DNAAF11: variants seen among roughly 807,000 people sequenced by gnomAD.
DNAAF11 encodes the protein dynein axonemal assembly factor 11.
In DNAAF11, 45 loss-of-function variants were observed where a neutral mutation model predicts 60.8. The observed-to-expected ratio is 0.74, with a 90% confidence interval of 0.58 to 0.95. DNAAF11 has a LOEUF of 0.95. Ranked by LOEUF, DNAAF11 falls within the 40% of genes least tolerant of loss-of-function variation. DNAAF11 has a pLI of 0.00. For missense variants in DNAAF11, 546 were observed against 546.2 expected (o/e 1.00, Z 0.00); for synonymous variants, 191 against 183.5 (o/e 1.04, Z -0.33).
At chr8:132,580,976 T>G (rs1815264591) in intron 11 of DNAAF11, among the ~76,000 whole-genome samples, 1 of 152,182 alleles carries the variant, frequency 6.6e-6, no homozygotes. Context: ...TAGAGCAGAA[T>G]AGAGACCAGA....
chr8:132,695,510 G>C, the DNAAF11 span, among the ~76,000 whole-genome samples: 1 of 152,192 alleles, frequency 6.6e-6, no homozygotes, highest in African/African-American at 2.4e-5. Context: ...GGTGGCAATA[G>C]CTAGCTGTAT....
intron 1 of DNAAF11, 92 bp downstream of exon 1, chr8:132,675,392 G>C (rs951716544): frequency 9.3e-6 from 13 of 1,400,300 alleles, no homozygotes; most frequent in Non-Finnish European, 1.3e-5. Flanking sequence ...AACCGACAGC[G>C]CAGGGCGGGA....
the DNAAF11 span, among the ~76,000 whole-genome samples, chr8:132,694,427 C>T: frequency 2.0e-5 from 3 of 152,210 alleles, no homozygotes; most frequent in South Asian, 6.2e-4. Context: ...AGATGGCCAT[C>T]CACAAGCCAA....
Position 132,651,991 on chromosome 8 carries a change from A to G in DNAAF11, c.256+4839T>C, listed in dbSNP as rs140764010. Among the ~76,000 whole-genome samples the G allele has an allele frequency of 2.9e-3, 440 of 152,390 alleles. 2 individuals are homozygous for G. Among genetic ancestry groups the G allele is most frequent in the African/African-American group, 0.01 (418 of 41,594 alleles). On this transcript the variant is annotated intron_variant, in intron 3 of 11. Transcript: ENST00000620350. ...ATTTTTGAGAATGAAAAATAAAAAT[A>G]TATGATGTAGATTTATGTAATTGTT...
intron 8 of DNAAF11, among the ~76,000 whole-genome samples, chr8:132,614,692 C>G (rs74978343): frequency 4.7e-4 from 72 of 152,232 alleles, no homozygotes; most frequent in African/African-American, 1.7e-3. Context: ...CACCTGATAC[C>G]TACTACTATA....
chr8:132,684,791 CT>C, the DNAAF11 span, among the ~76,000 whole-genome samples: 1 of 152,212 alleles, frequency 6.6e-6, no homozygotes, highest in African/African-American at 2.4e-5. Flanking sequence ...CCTTTTGATT[CT>C]GTTGCCAGGG....
intron 3 of DNAAF11, among the ~76,000 whole-genome samples, chr8:132,644,881 G>A (rs2130642640): frequency 6.6e-6 from 1 of 152,332 alleles, no homozygotes; most frequent in East Asian, 1.9e-4. Flanking sequence ...AGGCCTGCCT[G>A]CCTCTGTAGA....
chr8:132,675,098 C>G (rs958865386), intron 1 of DNAAF11, among the ~76,000 whole-genome samples: 1 of 152,164 alleles, frequency 6.6e-6, no homozygotes, highest in Non-Finnish European at 1.5e-5. Flanking sequence ...CCGAAGATTG[C>G]GGCTTGGAGA....
At chr8:132,632,229 C>T (rs1262511587) in intron 5 of DNAAF11, among the ~76,000 whole-genome samples, 1 of 151,996 alleles carries the variant, frequency 6.6e-6, no homozygotes, top group Non-Finnish European at 1.5e-5. Flanking sequence ...AATCAACTGA[C>T]TATAGTTGCA....
chr8:132,586,043 T>C (rs1815853401), intron 10 of DNAAF11, among the ~76,000 whole-genome samples: 1 of 152,230 alleles, frequency 6.6e-6, no homozygotes, highest in Non-Finnish European at 1.5e-5. Context: ...ATCAGATTCA[T>C]GTCAATTATA....
chr8:132,673,806 TTC>T (rs1242907173), intron 1 of DNAAF11, among the ~76,000 whole-genome samples: 1 of 152,112 alleles, frequency 6.6e-6, no homozygotes, highest in Non-Finnish European at 1.5e-5. Flanking sequence ...ACCACTATAC[TTC>T]TGTTTGTCTT....
chr8:132,693,783 A>G, the DNAAF11 span, among the ~76,000 whole-genome samples: 1 of 152,128 alleles, frequency 6.6e-6, no homozygotes. Context: ...ACAGGGGAGC[A>G]GCAAATGGCA....
chr8:132,661,512 C>T lies in DNAAF11; in HGVS notation c.126G>A (p.Trp42Ter), dbSNP rs1247146443. Residue 42 changes from tryptophan (W) to a stop codon, truncating the protein, a stop_gained, in exon 2 of 12, where the codon TGG becomes TGA. Transcript: ENST00000620350. LOFTEE classifies it high-confidence loss of function. ...GATAGAGAATTTTTAAATCCCGGCA[C>T]CATTTATCAATGTGTTCTAGTCTTT... The part of the protein sequence containing the change: ...EIERLEHIDK[W>*]CRDLKILYLQ... 1 of 1,613,590 alleles carries T rather than the reference C, an allele frequency of 6.2e-7. No individual in the cohort carries two copies. Among genetic ancestry groups the T allele is most frequent in the Admixed American group, 1.7e-5 (1 of 59,964 alleles).
chr8:132,595,149 C>T (rs1330150863), intron 10 of DNAAF11, among the ~76,000 whole-genome samples: 4 of 151,794 alleles, frequency 2.6e-5, no homozygotes, highest in Non-Finnish European at 5.9e-5. Flanking sequence ...TGAAAACAGA[C>T]TAATACAGAT....
At chr8:132,613,666 A>G (rs1379895590) in intron 8 of DNAAF11, among the ~76,000 whole-genome samples, 8 of 152,154 alleles carry the variant, frequency 5.3e-5, no homozygotes. Context: ...AAATGGTTGA[A>G]ATGGTCGATT....
At chr8:132,679,171 C>G (rs984290459), upstream of DNAAF11, among the ~76,000 whole-genome samples, 1 of 152,166 alleles carries the variant, frequency 6.6e-6, no homozygotes, top group African/African-American at 2.4e-5. Flanking sequence ...AACCTTAATT[C>G]TATACTGCAT....
rs111749371 is a variant in DNAAF11 at position 132,588,987 on chromosome 8, G to A, written c.1141-5208C>T. Reference sequence around the variant, plus strand: ...TGCTAAACCATTAGAAACTGCCCCCGTGATCCAACCATCTCCCACCAGGCC... The same window carrying A: ...TGCTAAACCATTAGAAACTGCCCCCATGATCCAACCATCTCCCACCAGGCC... On this transcript the variant is annotated intron_variant, in intron 10 of 11. Coordinates refer to ENST00000620350, the MANE Select transcript of DNAAF11 (RefSeq NM_012472.6). Among the ~76,000 whole-genome samples, 591 of 152,206 alleles carry A rather than the reference G, an allele frequency of 3.9e-3. 11 individuals are homozygous for A. The highest frequency in any genetic ancestry group is 0.014 in the African/African-American group (571 of 41,550).
At chr8:132,654,206 T>G (rs2130753066) in intron 3 of DNAAF11, among the ~76,000 whole-genome samples, 1 of 152,122 alleles carries the variant, frequency 6.6e-6, no homozygotes, top group South Asian at 2.1e-4. Context: ...AATAATAACA[T>G]AAATTCATCA....
intron 8 of DNAAF11, 31 bp from the exon 9 acceptor site, chr8:132,611,394 T>C (rs775880201): frequency 1.5e-6 from 2 of 1,299,910 alleles, no homozygotes; most frequent in East Asian, 2.3e-5. Context: ...AATCTTATAA[T>C]TTTAAAAAAT....
Sources: allele counts gnomAD v4.1 joint callset (sites outside exome capture counted in the v4.1 genomes callset), GRCh38; gene constraint gnomAD v4.1.1; transcripts MANE v1.5; gene names NCBI Gene and HGNC (gene_info 2026-07-23, HGNC 2026-07-21).